The following FERRY3 variants were observed in gnomAD, a reference collection of about 807,000 sequenced individuals.
The protein encoded by FERRY3 is protein C12orf4.
the FERRY3 span, among the ~76,000 whole-genome samples, chr12:4,522,772 C>G: frequency 1.3e-5 from 2 of 152,148 alleles, no homozygotes; most frequent in East Asian, 3.8e-4. Context: ...TGGAAATATC[C>G]AACATGTCCA....
the FERRY3 span, chr12:4,518,978 T>C: frequency 1.3e-6 from 1 of 742,458 alleles, no homozygotes; most frequent in Non-Finnish European, 2.0e-6. Flanking sequence ...GCTGAAAGTC[T>C]TGCTTAATTT....
chr12:4,517,436 G>C, the FERRY3 span, among the ~76,000 whole-genome samples: 1 of 151,510 alleles, frequency 6.6e-6, no homozygotes, highest in South Asian at 2.1e-4. Context: ...TGTAATTCCA[G>C]GTCTTCTTTA....
At chr12:4,529,472 G>A in the FERRY3 span, among the ~76,000 whole-genome samples, 1 of 152,068 alleles carries the variant, frequency 6.6e-6, no homozygotes, top group East Asian at 1.9e-4. Flanking sequence ...CCTTGGACAA[G>A]TTACTTATTT....
chr12:4,521,131 TGGGC>T, the FERRY3 span, among the ~76,000 whole-genome samples: 14 of 151,856 alleles, frequency 9.2e-5, no homozygotes, highest in African/African-American at 3.1e-4. Context: ...GAGGCCGAGG[TGGGC>T]GAATCACGAG....
chr12:4,508,844 A>G, the FERRY3 span: 2 of 152,160 alleles, frequency 1.3e-5, no homozygotes, highest in Non-Finnish European at 2.9e-5. Flanking sequence ...TATAAGAAAA[A>G]CACAACTTAA....
At chr12:4,509,851 C>T in the FERRY3 span, among the ~76,000 whole-genome samples, 1 of 139,182 alleles carries the variant, frequency 7.2e-6, no homozygotes, top group Admixed American at 6.8e-5. Context: ...CTCTCCTCCT[C>T]CAAAGGAACG....
At chr12:4,498,135 T>C in the FERRY3 span, among the ~76,000 whole-genome samples, 5,528 of 152,298 alleles carry the variant, frequency 0.036, 333 homozygotes, top group African/African-American at 0.12. Context: ...TTTTGTAACA[T>C]TGTGGGAGAG....
At chr12:4,500,595 TAAATC>T in the FERRY3 span, among the ~76,000 whole-genome samples, 3 of 152,246 alleles carry the variant, frequency 2.0e-5, no homozygotes, top group African/African-American at 7.2e-5. Flanking sequence ...AAGTAGTAAA[TAAATC>T]AAATGAGTAC....
the FERRY3 span, among the ~76,000 whole-genome samples, chr12:4,518,514 T>C: frequency 1.3e-5 from 2 of 151,994 alleles, no homozygotes; most frequent in Non-Finnish European, 2.9e-5. Context: ...AAAAATAACA[T>C]AGGTACACTC....
At chr12:4,518,483 A>T in the FERRY3 span, among the ~76,000 whole-genome samples, 2 of 152,220 alleles carry the variant, frequency 1.3e-5, no homozygotes, top group Non-Finnish European at 2.9e-5. Context: ...TCTTTCTTAA[A>T]GTAAAACATA....
chr12:4,491,266 T>TTG, the FERRY3 span: 1 of 1,572,192 alleles, frequency 6.4e-7, no homozygotes, highest in Non-Finnish European at 8.8e-7. Flanking sequence ...AAGATATGTT[T>TTG]TTGATAGAAC....
chr12:4,491,264 T>G, the FERRY3 span: 1 of 1,573,248 alleles, frequency 6.4e-7, no homozygotes, highest in Admixed American at 1.7e-5. Context: ...ATAAGATATG[T>G]TTTTGATAGA....
At chr12:4,534,555 C>T in the FERRY3 span, among the ~76,000 whole-genome samples, 9 of 152,108 alleles carry the variant, frequency 5.9e-5, no homozygotes, top group Admixed American at 3.9e-4. Flanking sequence ...AGGTGCATGC[C>T]ACCATGCATG....
the FERRY3 span, chr12:4,536,043 T>C: frequency 1.2e-6 from 2 of 1,602,354 alleles, no homozygotes; most frequent in Non-Finnish European, 1.7e-6. Context: ...CGGTAAACTG[T>C]GCAGCAGCAT....
the FERRY3 span, chr12:4,524,996 T>C: frequency 1.7e-5 from 5 of 295,058 alleles, no homozygotes; most frequent in South Asian, 4.1e-4. Context: ...GAAATAAAGA[T>C]AGTATTTAAG....
the FERRY3 span, among the ~76,000 whole-genome samples, chr12:4,531,381 G>C: frequency 5.3e-5 from 8 of 152,112 alleles, no homozygotes; most frequent in Non-Finnish European, 4.4e-5. Context: ...GATGTGCTTG[G>C]CCACACACAA....
At chr12:4,513,381 T>G in the FERRY3 span, among the ~76,000 whole-genome samples, 5 of 152,010 alleles carry the variant, frequency 3.3e-5, no homozygotes, top group Non-Finnish European at 7.4e-5. Flanking sequence ...TTCACAGAAT[T>G]GGAAAAAACT....
At chr12:4,536,017 C>CT in the FERRY3 span, 1 of 1,534,818 alleles carries the variant, frequency 6.5e-7, no homozygotes, top group Non-Finnish European at 8.7e-7. Flanking sequence ...CAGTCCTCAC[C>CT]TTTTTCTATA....
the FERRY3 span, chr12:4,509,348 A>C: frequency 1.1e-3 from 193 of 175,682 alleles, 6 homozygotes; most frequent in African/African-American, 3.3e-3. Flanking sequence ...CCCGGGCTTG[A>C]TTAGGTAAAC....
Sources: gnomAD v4.1 joint callset for allele counts (sites outside exome capture counted in the v4.1 genomes callset) on GRCh38, gnomAD v4.1.1 for gene constraint, MANE v1.5 for transcripts, NCBI Gene and HGNC (gene_info 2026-07-23, HGNC 2026-07-21) for gene names.